Variants in TRPV1 observed in about 807,000 individuals in gnomAD.
TRPV1 encodes transient receptor potential cation channel subfamily V member 1.
Under a neutral mutation model 82.3 loss-of-function variants are expected in TRPV1, and 82 were observed. The ratio of observed to expected loss-of-function variants is 1.00; its 90% CI spans 0.83 to 1.20. The LOEUF is 1.20. TRPV1 is among the 50% of genes most tolerant of loss of function. The pLI, the probability that TRPV1 is intolerant of heterozygous loss-of-function variation, is 0.00. For synonymous variants in TRPV1, 515 were observed against 467.7 expected, an observed-to-expected ratio of 1.10 and a Z score of -1.30; for missense variants, 1,067 against 1,096.8, an observed-to-expected ratio of 0.97 and a Z score of 0.38.
chr17:3,568,442 A>G (rs1244706601), intron 16 of TRPV1, among the ~76,000 whole-genome samples: 1 of 152,236 alleles, frequency 6.6e-6, no homozygotes, highest in East Asian at 1.9e-4. Flanking sequence ...ATCAATAAGC[A>G]TTATTACAGG....
chr17:3,602,720 C>T (rs1339503027), intron 2 of TRPV1, among the ~76,000 whole-genome samples: 1 of 152,158 alleles, frequency 6.6e-6, no homozygotes, highest in Non-Finnish European at 1.5e-5. Context: ...TTAGTGTTAC[C>T]ACTAGGGGGC....
chr17:3,609,191 T>C (rs553595125), intron 1 of TRPV1, 118 bp downstream of exon 1: 1 of 152,302 alleles, frequency 6.6e-6, no homozygotes, highest in Admixed American at 6.5e-5. Context: ...CGGCCAAGAA[T>C]GGGCTTTAGT....
At position 3,567,358 on chromosome 17, in the gene TRPV1, A is replaced by G. The variant is rs1426381948; in HGVS notation, c.2348-371T>C. On this transcript the variant is annotated intron_variant, in intron 16 of 16. Coordinates refer to ENST00000572705, the MANE Select transcript of TRPV1 (RefSeq NM_080704.4). Reference sequence around the variant, plus strand: ...CACTCCAGCCTGGGCGAAAAGAGCAAAACTCCGTCTCAAAAAAAAAAAAAA... The same window carrying G: ...CACTCCAGCCTGGGCGAAAAGAGCAGAACTCCGTCTCAAAAAAAAAAAAAA... Among the ~76,000 whole-genome samples, 8 of 140,354 alleles carry G rather than the reference A, an allele frequency of 5.7e-5. No homozygotes were observed. In the East Asian group the frequency reaches 1.7e-3, roughly 29 times the overall value. The allele number at this position is 140,354 out of a possible 152,430, so 92.1% of individuals were successfully genotyped here.
chr17:3,573,704 T>C lies in TRPV1; in HGVS notation c.2032A>G (p.Met678Val). The change falls in exon 14 of 17, where the codon ATG becomes GTG. Residue 678 changes from methionine to valine, a missense_variant. By Grantham distance (21) the Met-to-Val change is conservative (BLOSUM62 1). Transcript: ENST00000572705. ...VILTYILLLN[M>V]LIALMGETVN... ...GTCTCACCCATGAGGGCGATGAGCATGTTGAGCAGGAGGATGTAGGTGAGA... is the reference window on the plus strand; with the variant it reads ...GTCTCACCCATGAGGGCGATGAGCACGTTGAGCAGGAGGATGTAGGTGAGA... The C allele has an allele frequency of 1.2e-6, 2 of 1,614,038 alleles. No homozygotes were observed. The highest frequency in any genetic ancestry group is 1.7e-6 in the Non-Finnish European group (2 of 1,179,994).
Position 3,579,180 on chromosome 17 carries a change from T to C in TRPV1, c.1547+1277A>G, listed in dbSNP as rs554928977. ...ACAAGTACCCTGAAATCTAAATTCT[T>C]TTAAAAAAATTAAAATAAGTGTTCC... On this transcript the variant is annotated intron_variant, in intron 11 of 16. Coordinates refer to ENST00000572705, the MANE Select transcript of TRPV1 (RefSeq NM_080704.4). Among the ~76,000 whole-genome samples the C allele has an allele frequency of 9.9e-5, 15 of 152,228 alleles. 1 individual carries two copies. The highest frequency in any genetic ancestry group is 7.9e-4 in the Admixed American group (12 of 15,270).
intron 9 of TRPV1, chr17:3,585,555 G>A (rs1386746049): frequency 5.2e-6 from 3 of 574,068 alleles, no homozygotes; most frequent in South Asian, 2.2e-5. Flanking sequence ...GAACTGAGAA[G>A]CGGGAAGGGG....
intron 2 of TRPV1, among the ~76,000 whole-genome samples, chr17:3,593,051 T>C (rs1364269817): frequency 6.6e-6 from 1 of 151,992 alleles, no homozygotes; most frequent in Non-Finnish European, 1.5e-5. Context: ...AATCAACATC[T>C]GTCAAGCATC....
chr17:3,571,021 T>TG (rs1364333900), intron 16 of TRPV1, among the ~76,000 whole-genome samples: 1 of 152,190 alleles, frequency 6.6e-6, no homozygotes, highest in Non-Finnish European at 1.5e-5. Flanking sequence ...CCGGCCTCCT[T>TG]GGGGTTTTTC....
rs2075135789 is a variant in TRPV1, at chr17:3,589,989, C to T, written c.862G>A (p.Val288Met). 1 of 1,560,606 alleles carries T rather than the reference C, an allele frequency of 6.4e-7. No homozygotes were observed. Among genetic ancestry groups the T allele is most frequent in the Non-Finnish European group, 8.7e-7 (1 of 1,152,858 alleles). ...GCCACCTCCACCAGGGCGTGCAGCA[C>T]CGTGTTGCCCACCGAGTCCCTGGCG... ...ISARDSVGNT[V>M]LHALVEVADN... Residue 288 changes from valine (V) to methionine (M), a missense_variant, in exon 7 of 17, where the codon GTG becomes ATG. By Grantham distance (21) the Val-to-Met change is conservative (BLOSUM62 1). Transcript: ENST00000572705.
intron 2 of TRPV1, among the ~76,000 whole-genome samples, chr17:3,598,319 A>T (rs2075236556): frequency 6.6e-6 from 1 of 152,066 alleles, no homozygotes; most frequent in Admixed American, 6.6e-5. Context: ...AAGTGTGGCC[A>T]CCCCATCAAT....
At chr17:3,577,869 A>T in intron 11 of TRPV1, 106 bp from the exon 12 acceptor site, 2 of 1,095,738 alleles carry the variant, frequency 1.8e-6, no homozygotes, top group Non-Finnish European at 1.3e-6. Flanking sequence ...GCAGGCCGCA[A>T]TAGGAGCTAG....
intron 16 of TRPV1, among the ~76,000 whole-genome samples, chr17:3,567,369 C>CAAAAAAAAA (rs56391405): frequency 7.6e-5 from 4 of 52,794 alleles, no homozygotes; most frequent in African/African-American, 7.4e-5. Context: ...AACTCCGTCT[C>CAAAAAAAAA]AAAAAAAAAA....
rs760327079 is a variant in TRPV1, at chr17:3,592,227, T to C, written c.124A>G (p.Thr42Ala). Residue 42 changes from threonine to alanine, a missense_variant, in exon 3 of 17, where the codon ACG (threonine) becomes GCG (alanine). Coordinates refer to ENST00000572705, the MANE Select transcript of TRPV1 (RefSeq NM_080704.4). The part of the protein sequence containing the change: ...RPPPAKPQLS[T>A]AKSRTRLFGK... ...AAGAGCCGGGTGCGGCTCTTGGCCG[T>C]GGAGAGCTGGGGCTTGGCTGGAGGT... 3 of 1,611,736 alleles carry C rather than the reference T, an allele frequency of 1.9e-6. No homozygotes were observed. Among genetic ancestry groups the C allele is most frequent in the Admixed American group, 1.7e-5 (1 of 59,580 alleles).
intron 14 of TRPV1, among the ~76,000 whole-genome samples, chr17:3,573,403 G>A (rs1378363769): frequency 6.6e-6 from 1 of 152,174 alleles, no homozygotes; most frequent in Non-Finnish European, 1.5e-5. Flanking sequence ...AGTCCACTGA[G>A]GGAGGTGCTG....
At chr17:3,569,442 T>G (rs1357954348) in intron 16 of TRPV1, among the ~76,000 whole-genome samples, 1 of 151,930 alleles carries the variant, frequency 6.6e-6, no homozygotes, top group Admixed American at 6.6e-5. Flanking sequence ...TAAAATAAAA[T>G]AAATAAAAAC....
In TRPV1 at chr17:3,577,721, G is replaced by A. The variant is rs2074953484; in HGVS notation, c.1590C>T (p.Tyr530=). ...CCACATACTCCTTGAGGTGGCTGAA[G>A]TACAGCACCACGGTGGCCAGCATGA... ...SLFMLATVVL[Y]FSHLKEYVAS... is the part of the protein sequence containing the mutation. The change falls in exon 12 of 17, where the codon TAC becomes TAT. Residue 530 remains tyrosine (Y), a synonymous_variant. Coordinates refer to ENST00000572705, the MANE Select transcript of TRPV1 (RefSeq NM_080704.4). The A allele has an allele frequency of 3.1e-6, 5 of 1,592,618 alleles. No homozygotes were observed. Among genetic ancestry groups the A allele is most frequent in the East Asian group, 2.3e-5 (1 of 43,698 alleles).
intron 8 of TRPV1, among the ~76,000 whole-genome samples, chr17:3,586,155 G>A (rs1207736175): frequency 6.6e-6 from 1 of 152,224 alleles, no homozygotes; most frequent in African/African-American, 2.4e-5. Context: ...CCCCAGAGGT[G>A]CAGTGAATGG....
intron 2 of TRPV1, among the ~76,000 whole-genome samples, chr17:3,593,106 G>C (rs938601069): frequency 1.8e-3 from 160 of 89,318 alleles, no homozygotes; most frequent in African/African-American, 0.016. Context: ...GTGTGTGTGT[G>C]TGTGTGTGTG....
chr17:3,590,181 C>T, intron 6 of TRPV1, 71 bp downstream of exon 6: 1 of 1,592,742 alleles, frequency 6.3e-7, no homozygotes, highest in South Asian at 1.1e-5. Flanking sequence ...CTCCAAACTC[C>T]CTCTGTCTCT....
Sources: gnomAD v4.1 joint callset for allele counts (sites outside exome capture counted in the v4.1 genomes callset) on GRCh38, gnomAD v4.1.1 for gene constraint, MANE v1.5 for transcripts, NCBI Gene and HGNC (gene_info 2026-07-23, HGNC 2026-07-21) for gene names.